The following AFAP1 variants were observed in gnomAD, a reference collection of about 807,000 sequenced individuals.
The protein encoded by AFAP1 is actin filament-associated protein 1.
AFAP1 carries 75 observed loss-of-function variants against 93.9 expected under a neutral mutation model. The ratio of observed to expected loss-of-function variants is 0.80; its 90% CI spans 0.66 to 0.97. The LOEUF (loss-of-function observed/expected upper bound fraction) is 0.97. Ranked by LOEUF, AFAP1 falls within the 50% of genes least tolerant of loss-of-function variation. The pLI is 0.00. For missense variants in AFAP1, 1,201 were observed against 1,050.8 expected (o/e 1.14, Z -1.98); for synonymous variants, 517 against 430.7 (o/e 1.20, Z -2.48).
intron 1 of AFAP1, among the ~76,000 whole-genome samples, chr4:7,928,635 C>T (rs943863326): frequency 2.0e-5 from 3 of 152,246 alleles, no homozygotes; most frequent in African/African-American, 7.2e-5. Context: ...ATTCGCCCAC[C>T]TTGGCCTCCC....
intron 12 of AFAP1, among the ~76,000 whole-genome samples, chr4:7,784,293 C>G (rs1356065521): frequency 6.6e-6 from 1 of 152,110 alleles, no homozygotes; most frequent in Non-Finnish European, 1.5e-5. Context: ...CCTAAAGTGG[C>G]TCTGTTTGCC....
At chr4:7,804,526 A>G (rs1719335216) in intron 9 of AFAP1, among the ~76,000 whole-genome samples, 1 of 152,084 alleles carries the variant, frequency 6.6e-6, no homozygotes, top group Admixed American at 6.5e-5. Flanking sequence ...TTAAACAAAC[A>G]AAAAATACAG....
At chr4:7,833,589 C>CTTTT (rs33990733) in intron 6 of AFAP1, among the ~76,000 whole-genome samples, 52 of 131,778 alleles carry the variant, frequency 3.9e-4, no homozygotes, top group African/African-American at 1.3e-3. Flanking sequence ...GTGGAGATGT[C>CTTTT]TTTTTTTTTT....
intron 6 of AFAP1, among the ~76,000 whole-genome samples, chr4:7,831,294 C>A (rs979194429): frequency 6.0e-5 from 9 of 150,958 alleles, no homozygotes; most frequent in African/African-American, 2.2e-4. Context: ...AGTAACATCA[C>A]AGACATGAAA....
chr4:7,802,240 G>A (rs1004901760), intron 9 of AFAP1, among the ~76,000 whole-genome samples: 20 of 150,318 alleles, frequency 1.3e-4, no homozygotes, highest in African/African-American at 4.8e-4. Flanking sequence ...CATCTGGGGT[G>A]TGGGCTGATG....
At chr4:7,933,164 T>C (rs1406638157) in intron 1 of AFAP1, among the ~76,000 whole-genome samples, 1 of 151,924 alleles carries the variant, frequency 6.6e-6, no homozygotes, top group Non-Finnish European at 1.5e-5. Context: ...TGGGAGATTC[T>C]AACCCCCGAG....
At chr4:7,886,101 G>C (rs1172621770) in intron 1 of AFAP1, among the ~76,000 whole-genome samples, 1 of 152,184 alleles carries the variant, frequency 6.6e-6, no homozygotes, top group East Asian at 1.9e-4. Flanking sequence ...GCACTGTCTG[G>C]TTGGAAAGCT....
At chr4:7,905,420 C>A (rs184061133) in intron 1 of AFAP1, among the ~76,000 whole-genome samples, 1 of 152,140 alleles carries the variant, frequency 6.6e-6, no homozygotes, top group Non-Finnish European at 1.5e-5. Context: ...CTAATAAAAC[C>A]ACAAAAGGAT....
chr4:7,800,349 G>A (rs975313953), intron 10 of AFAP1, 93 bp downstream of exon 10: 1 of 1,343,544 alleles, frequency 7.4e-7, no homozygotes, highest in African/African-American at 1.4e-5. Flanking sequence ...CGAGATGGGA[G>A]GAATTTTGAT....
chr4:7,804,454 G>A (rs1719322833), intron 9 of AFAP1, among the ~76,000 whole-genome samples: 1 of 117,298 alleles, frequency 8.5e-6, no homozygotes, highest in Non-Finnish European at 1.8e-5. Context: ...GCAGTTTCTT[G>A]CAACAACACT....
intron 13 of AFAP1, 120 bp downstream of exon 13, chr4:7,781,255 GA>G (rs373270869): frequency 4.8e-4 from 544 of 1,139,542 alleles, no homozygotes; most frequent in Non-Finnish European, 5.5e-4. Flanking sequence ...TTCTAGTTGA[GA>G]AAAAAAAAAC....
chr4:7,806,379 C>A (rs572382078), intron 9 of AFAP1, among the ~76,000 whole-genome samples: 2 of 152,182 alleles, frequency 1.3e-5, no homozygotes, highest in South Asian at 4.2e-4. Flanking sequence ...AAACAAGGCC[C>A]TCACAGCAGC....
At chr4:7,815,795 G>A (rs1393235670) in intron 8 of AFAP1, among the ~76,000 whole-genome samples, 2 of 152,060 alleles carry the variant, frequency 1.3e-5, no homozygotes, top group East Asian at 1.9e-4. Context: ...TGGCAACCTC[G>A]GCCAAGGTCT....
intron 3 of AFAP1, among the ~76,000 whole-genome samples, chr4:7,867,417 G>A (rs1173578741): frequency 2.0e-5 from 3 of 152,156 alleles, no homozygotes; most frequent in African/African-American, 4.8e-5. Flanking sequence ...GGAAGCAGGC[G>A]GCCTTCCTCC....
intron 1 of AFAP1, among the ~76,000 whole-genome samples, chr4:7,873,047 C>T (rs138597039): frequency 5.8e-4 from 87 of 148,878 alleles, no homozygotes; most frequent in South Asian, 2.1e-3. Flanking sequence ...GTCAGAAGTT[C>T]GAGACCAGCC....
chr4:7,773,211 C>T (rs746567656), intron 15 of AFAP1: 9 of 795,300 alleles, frequency 1.1e-5, no homozygotes, highest in African/African-American at 1.1e-4. Flanking sequence ...TTTGCTGCAG[C>T]CGTTGAGGAC....
rs151145563 is a variant in AFAP1 at position 7,772,830 on chromosome 4, G to C, written c.2243C>G (p.Ser748Trp). The part of the protein sequence containing the change: ...GLAIEPKSGT[S>W]SPQSPVFRHR... ...CAGAAGGACACACACCTGTGGACTC[G>C]ATGTCCCTGACTTGGGCTCGATGGC... The change falls in exon 16 of 18, where the codon TCG becomes TGG. Residue 748 changes from serine (S) to tryptophan (W), a missense_variant. Physicochemically the swap from Ser to Trp is radical, Grantham distance 177. Coordinates refer to ENST00000420658, the MANE Select transcript of AFAP1 (RefSeq NM_001134647.2). The C allele has an allele frequency of 2.5e-6, 4 of 1,613,876 alleles. No individual in the cohort carries two copies. The highest frequency in any genetic ancestry group is 1.7e-5 in the Admixed American group (1 of 60,018).
chr4:7,802,590 T>G (rs1719142399), intron 9 of AFAP1, among the ~76,000 whole-genome samples: 1 of 152,174 alleles, frequency 6.6e-6, no homozygotes, highest in South Asian at 2.1e-4. Context: ...TTACTATTTT[T>G]GTTCTGCAAA....
At chr4:7,820,037 G>A (rs897566954) in intron 6 of AFAP1, among the ~76,000 whole-genome samples, 1 of 152,190 alleles carries the variant, frequency 6.6e-6, no homozygotes, top group African/African-American at 2.4e-5. Context: ...ATTATACAGG[G>A]ACAACAACAA....
Sources: gnomAD v4.1 joint callset for allele counts (sites outside exome capture counted in the v4.1 genomes callset) on GRCh38, gnomAD v4.1.1 for gene constraint, MANE v1.5 for transcripts, NCBI Gene and HGNC (gene_info 2026-07-23, HGNC 2026-07-21) for gene names.